METTL15: variants seen among roughly 807,000 people sequenced by gnomAD.
The protein encoded by METTL15 is 12S rRNA N(4)-cytidine methyltransferase METTL15.
A neutral mutation model predicts 38.3 loss-of-function variants in METTL15; 34 were observed. The observed-to-expected ratio is 0.89, with a 90% CI of 0.68 to 1.18. The LOEUF is 1.18. METTL15 is among the 50% of genes most tolerant of loss of function. The pLI, the probability that METTL15 is intolerant of heterozygous loss-of-function variation, is 0.00. For synonymous variants in METTL15, 162 were observed against 170.9 expected (o/e 0.95, Z 0.41); for missense variants, 438 against 498.4 (o/e 0.88, Z 1.15).
At chr11:28,387,962 C>T (rs1243437356) in intron 5 of METTL15, among the ~76,000 whole-genome samples, 1 of 152,036 alleles carries the variant, frequency 6.6e-6, no homozygotes, top group Admixed American at 6.6e-5. Flanking sequence ...ATGATCATCT[C>T]AATTAATGCA....
intron 5 of METTL15, among the ~76,000 whole-genome samples, chr11:28,421,940 G>A (rs568919944): frequency 1.6e-4 from 25 of 151,820 alleles, no homozygotes; most frequent in Middle Eastern, 3.4e-3. Flanking sequence ...TTGGAATACC[G>A]TATAGACCCA....
At position 28,120,302 on chromosome 11, in the gene METTL15, G is replaced by T. The variant is rs1187827433; in HGVS notation, c.270+6698G>T. Among the ~76,000 whole-genome samples, 9 of 149,290 alleles carry T rather than the reference G, an allele frequency of 6.0e-5. No homozygotes were observed. The East Asian group carries it at 1.8e-3, about 30-fold the overall frequency. On this transcript the variant is annotated intron_variant, in intron 3 of 6. Coordinates refer to ENST00000407364, the MANE Select transcript of METTL15 (RefSeq NM_001113528.2). ...AAAAACTTAAAATTTCATATGAGAT[G>T]GACTGTTGATGTTGTGTTTTCCCTC...
intron 3 of METTL15, among the ~76,000 whole-genome samples, chr11:28,114,161 A>G (rs1327455272): frequency 1.3e-5 from 2 of 152,138 alleles, no homozygotes; most frequent in African/African-American, 4.8e-5. Flanking sequence ...AGCCCCTGAC[A>G]ACCACTAAGC....
At chr11:28,289,424 C>G (rs144750134) in intron 4 of METTL15, among the ~76,000 whole-genome samples, 1 of 152,212 alleles carries the variant, frequency 6.6e-6, no homozygotes, top group Non-Finnish European at 1.5e-5. Flanking sequence ...CTCACTCTAC[C>G]CACCTTTAGA....
intron 4 of METTL15, among the ~76,000 whole-genome samples, chr11:28,227,945 A>G (rs184858720): frequency 1.9e-4 from 29 of 151,972 alleles, no homozygotes; most frequent in African/African-American, 6.7e-4. Context: ...TGATATTCTA[A>G]ATAATTAAAA....
intron 3 of METTL15, among the ~76,000 whole-genome samples, chr11:28,143,724 G>A (rs1590803435): frequency 6.6e-6 from 1 of 152,176 alleles, no homozygotes; most frequent in Admixed American, 6.5e-5. Context: ...TTTTTGTCAT[G>A]TAACTGAATG....
chr11:28,149,208 C>A (rs1256720932), intron 3 of METTL15, among the ~76,000 whole-genome samples: 1 of 148,462 alleles, frequency 6.7e-6, no homozygotes, highest in South Asian at 2.1e-4. Flanking sequence ...TTTTTTTAGC[C>A]ATTTCTACTT....
chr11:28,322,399 T>C (rs1849500868), intron 6 of METTL15, among the ~76,000 whole-genome samples: 1 of 152,088 alleles, frequency 6.6e-6, no homozygotes, highest in South Asian at 2.1e-4. Flanking sequence ...AACTGGCTAT[T>C]AGATTTGAAA....
At chr11:28,210,801 G>A (rs1304014004) in intron 3 of METTL15, among the ~76,000 whole-genome samples, 1 of 151,954 alleles carries the variant, frequency 6.6e-6, no homozygotes, top group Non-Finnish European at 1.5e-5. Context: ...CTTATAGAGA[G>A]AAATATAAAT....
intron 6 of METTL15, among the ~76,000 whole-genome samples, chr11:28,315,498 A>G (rs149212367): frequency 1.4e-4 from 21 of 152,354 alleles, no homozygotes; most frequent in African/African-American, 1.9e-4. Flanking sequence ...GAAGCAGAGC[A>G]TAAAAGTTTG....
chr11:28,281,854 A>G (rs1476185873), intron 4 of METTL15, among the ~76,000 whole-genome samples: 1 of 152,162 alleles, frequency 6.6e-6, no homozygotes, highest in African/African-American at 2.4e-5. Flanking sequence ...CATATTAGTG[A>G]GTGGTAAAGG....
At chr11:28,319,301 TC>T (rs1849378238) in intron 6 of METTL15, among the ~76,000 whole-genome samples, 1 of 152,146 alleles carries the variant, frequency 6.6e-6, no homozygotes, top group African/African-American at 2.4e-5. Context: ...CATCTTGACT[TC>T]CTTAAATTCT....
intron 3 of METTL15, among the ~76,000 whole-genome samples, chr11:28,120,292 CAT>C (rs1171512753): frequency 1.4e-5 from 2 of 147,740 alleles, no homozygotes; most frequent in East Asian, 4.0e-4. Context: ...CTTAAAATTT[CAT>C]ATGAGATGGA....
At chr11:28,150,627 G>C (rs1166438078) in intron 3 of METTL15, among the ~76,000 whole-genome samples, 3 of 122,762 alleles carry the variant, frequency 2.4e-5, no homozygotes, top group Non-Finnish European at 5.8e-5. Flanking sequence ...TATCGCCTGT[G>C]TGATAGAAAA....
intron 5 of METTL15, among the ~76,000 whole-genome samples, chr11:28,397,983 C>T (rs1011346970): frequency 2.0e-5 from 3 of 151,746 alleles, no homozygotes; most frequent in African/African-American, 7.3e-5. Context: ...CAAACTATCA[C>T]AAGGACAAAA....
intron 3 of METTL15, among the ~76,000 whole-genome samples, chr11:28,117,266 TA>T (rs1852014698): frequency 1.8e-4 from 1 of 5,484 alleles, no homozygotes; most frequent in African/African-American, 2.5e-4. Context: ...TGTGTATATA[TA>T]TATATATATA....
intron 3 of METTL15, among the ~76,000 whole-genome samples, chr11:28,349,347 G>A (rs536338803): frequency 3.9e-4 from 59 of 152,286 alleles, no homozygotes; most frequent in Admixed American, 3.9e-3. Context: ...CCTCTGCACA[G>A]GTCTGCCTTC....
intron 4 of METTL15, chr11:28,287,490 GTAA>G: frequency 5.1e-6 from 2 of 390,688 alleles, no homozygotes; most frequent in Non-Finnish European, 9.9e-6. Flanking sequence ...ATTCGCCCAT[GTAA>G]TCATGCTGCA....
chr11:28,452,697 A>G (rs1851133263), intron 6 of METTL15, among the ~76,000 whole-genome samples: 1 of 152,204 alleles, frequency 6.6e-6, no homozygotes, highest in African/African-American at 2.4e-5. Context: ...TACAGGATCC[A>G]GGCCAGACAG....
Sources: gnomAD v4.1 joint callset for allele counts (sites outside exome capture counted in the v4.1 genomes callset) on GRCh38, gnomAD v4.1.1 for gene constraint, MANE v1.5 for transcripts, NCBI Gene and HGNC (gene_info 2026-07-23, HGNC 2026-07-21) for gene names.